ETV6: variants seen among roughly 807,000 people sequenced by gnomAD.
ETV6 encodes the protein transcription factor ETV6.
Under a neutral mutation model 51.1 loss-of-function variants are expected in ETV6, and 16 were observed. That is an observed-to-expected ratio of 0.31 (90% CI 0.21 to 0.48). The LOEUF (loss-of-function observed/expected upper bound fraction) is 0.48. Among genes scored for constraint, ETV6 ranks in the 20% least tolerant of loss-of-function variants. The probability of loss-of-function intolerance (pLI) is 0.99; values close to 1 mark genes in which losing one functional copy is unlikely to be tolerated. For missense variants in ETV6, 458 were observed against 594.8 expected, an observed-to-expected ratio of 0.77 and a Z score of 2.39; for synonymous variants, 240 against 224.1, an observed-to-expected ratio of 1.07 and a Z score of -0.64.
At chr12:11,825,279 T>C (rs1269963795) in intron 2 of ETV6, among the ~76,000 whole-genome samples, 1 of 152,152 alleles carries the variant, frequency 6.6e-6, no homozygotes, top group Non-Finnish European at 1.5e-5. Context: ...ACAAGATGAA[T>C]CTTTACAAAA....
chr12:11,693,432 C>A (rs2724610), intron 1 of ETV6, among the ~76,000 whole-genome samples: 1 of 151,898 alleles, frequency 6.6e-6, no homozygotes, highest in Non-Finnish European at 1.5e-5. Context: ...GTCTGTGCTA[C>A]TTAGTGTCAT....
At chr12:11,774,526 A>G (rs2723830) in intron 2 of ETV6, among the ~76,000 whole-genome samples, 118,598 of 152,156 alleles carry the variant, frequency 0.78, 47,643 homozygotes, top group South Asian at 0.96. Flanking sequence ...AGCATGAGCT[A>G]TACCTTAGTG....
intron 5 of ETV6, among the ~76,000 whole-genome samples, chr12:11,880,366 T>C (rs1947071559): frequency 6.6e-6 from 1 of 152,344 alleles, no homozygotes; most frequent in South Asian, 2.1e-4. Flanking sequence ...ATACAAATGT[T>C]CTTGAAGCTG....
intron 2 of ETV6, among the ~76,000 whole-genome samples, chr12:11,791,546 A>G (rs1945593393): frequency 6.6e-6 from 1 of 152,370 alleles, no homozygotes; most frequent in East Asian, 1.9e-4. Flanking sequence ...AAGGTCGTGC[A>G]TAAGGGACAA....
rs185147591 is a variant in ETV6 at position 11,680,412 on chromosome 12, T to G, written c.33+30252T>G. Reference sequence around the variant, plus strand: ...AATATTTTGCTTCCTTTGGTTTTGTTTGAGAACCTCTTCTCCCCTTAGTGA... The same window carrying G: ...AATATTTTGCTTCCTTTGGTTTTGTGTGAGAACCTCTTCTCCCCTTAGTGA... On this transcript the variant is annotated intron_variant, in intron 1 of 7. Coordinates refer to ENST00000396373, the MANE Select transcript of ETV6 (RefSeq NM_001987.5). 1.4e-3 allele frequency among the ~76,000 whole-genome samples: 214 copies of G among 152,340 alleles called. 1 individual carries two copies. The highest frequency in any genetic ancestry group is 2.3e-3 in the Non-Finnish European group (155 of 68,030).
At chr12:11,831,131 A>C (rs1946238228) in intron 2 of ETV6, among the ~76,000 whole-genome samples, 1 of 152,158 alleles carries the variant, frequency 6.6e-6, no homozygotes, top group African/African-American at 2.4e-5. Flanking sequence ...GAGACAACTA[A>C]AGAAACTGAT....
chr12:11,786,962 G>A (rs538664176), intron 2 of ETV6, among the ~76,000 whole-genome samples: 19 of 152,202 alleles, frequency 1.2e-4, no homozygotes, highest in African/African-American at 4.6e-4. Flanking sequence ...GTGATCAAAC[G>A]CTGAAATGAC....
At chr12:11,877,074 G>T (rs563187904) in intron 5 of ETV6, among the ~76,000 whole-genome samples, 22 of 152,222 alleles carry the variant, frequency 1.4e-4, no homozygotes, top group African/African-American at 5.1e-4. Context: ...TTCTTGATTT[G>T]GTTTTATTGA....
At chr12:11,766,837 G>C (rs969192285) in intron 2 of ETV6, among the ~76,000 whole-genome samples, 1 of 152,182 alleles carries the variant, frequency 6.6e-6, no homozygotes, top group South Asian at 2.1e-4. Flanking sequence ...GGCAGTAAAT[G>C]TAAGTGCTAT....
At chr12:11,873,522 A>ACCG in intron 5 of ETV6, among the ~76,000 whole-genome samples, 1 of 44,598 alleles carries the variant, frequency 2.2e-5, no homozygotes, top group Admixed American at 3.0e-4. Context: ...AAGCTTTTCA[A>ACCG]ATGAGCACAG....
At chr12:11,761,358 T>A (rs905235843) in intron 2 of ETV6, among the ~76,000 whole-genome samples, 1 of 152,226 alleles carries the variant, frequency 6.6e-6, no homozygotes, top group African/African-American at 2.4e-5. Flanking sequence ...CACACTGTTA[T>A]CTGCCAGATA....
chr12:11,650,225 T>A, intron 1 of ETV6, 65 bp downstream of exon 1: 7 of 1,404,830 alleles, frequency 5.0e-6, no homozygotes, highest in Non-Finnish European at 7.1e-6. Context: ...AGGGCAGTCG[T>A]GCTGGGCTCC....
chr12:11,660,611 A>AAG lies in ETV6; in HGVS notation c.33+10452_33+10453insGA, dbSNP rs1035968517. 1.5e-3 allele frequency among the ~76,000 whole-genome samples: 229 copies of AAG among 150,816 alleles called. 1 individual carries two copies. The highest frequency in any genetic ancestry group is 5.2e-3 in the African/African-American group (213 of 41,038). ...GAGACTCTGTCTCAAAAAAAAAAAA[A>AAG]AAAAAGGGAGATGGGGGACATGGTG... On this transcript the variant is annotated intron_variant, in intron 1 of 7. Transcript: ENST00000396373.
At chr12:11,791,501 C>T (rs1332743074) in intron 2 of ETV6, among the ~76,000 whole-genome samples, 1 of 152,202 alleles carries the variant, frequency 6.6e-6, no homozygotes, top group Non-Finnish European at 1.5e-5. Flanking sequence ...ACCAGTACAA[C>T]TTGAGTCACA....
chr12:11,710,550 C>T (rs1395328144), intron 1 of ETV6, among the ~76,000 whole-genome samples: 1 of 152,194 alleles, frequency 6.6e-6, no homozygotes, highest in African/African-American at 2.4e-5. Context: ...GGTAGTCCGA[C>T]TTTAGAGCGC....
chr12:11,730,018 G>T (rs369339272), intron 1 of ETV6, among the ~76,000 whole-genome samples: 1 of 152,096 alleles, frequency 6.6e-6, no homozygotes, highest in South Asian at 2.1e-4. Flanking sequence ...CGTTACTGGG[G>T]GATTTTTCTG....
chr12:11,874,979 G>A (rs936919903), intron 5 of ETV6, among the ~76,000 whole-genome samples: 6 of 151,014 alleles, frequency 4.0e-5, no homozygotes, highest in Non-Finnish European at 7.4e-5. Context: ...ACACCAACAT[G>A]GCACATGTAT....
chr12:11,861,126 C>G (rs1946709418), intron 4 of ETV6, among the ~76,000 whole-genome samples: 2 of 152,184 alleles, frequency 1.3e-5, no homozygotes. Context: ...TGGCTGTCTC[C>G]TTTAAGAACT....
chr12:11,827,070 TCACACACACACA>T (rs55959869), intron 2 of ETV6, among the ~76,000 whole-genome samples: 63 of 145,164 alleles, frequency 4.3e-4, no homozygotes, highest in East Asian at 1.7e-3. Context: ...GAAGTCTGTC[TCACACACACACA>T]CACACACACA....
Sources: gnomAD v4.1 joint callset for allele counts (sites outside exome capture counted in the v4.1 genomes callset) on GRCh38, gnomAD v4.1.1 for gene constraint, MANE v1.5 for transcripts, NCBI Gene and HGNC (gene_info 2026-07-23, HGNC 2026-07-21) for gene names.